The following CNKSR1 variants were observed in gnomAD, a reference collection of about 807,000 sequenced individuals.
The protein encoded by CNKSR1 is connector enhancer of kinase suppressor of Ras 1.
CNKSR1 carries 88 observed loss-of-function variants against 95.6 expected under a neutral mutation model. That is an observed-to-expected ratio of 0.92 (90% CI 0.78 to 1.10). The LOEUF is 1.10. Ranked by LOEUF, CNKSR1 falls within the 50% of genes least tolerant of loss-of-function variation. CNKSR1 has a pLI of 0.00. For missense variants in CNKSR1, 836 were observed against 912.0 expected, an observed-to-expected ratio of 0.92 and a Z score of 1.07; for synonymous variants, 355 against 369.7, an observed-to-expected ratio of 0.96 and a Z score of 0.46.
Position 26,183,244 on chromosome 1 carries a change from A to G in CNKSR1, c.672A>G (p.Gln224=), listed in dbSNP as rs919915683. 6 of 1,614,160 alleles carry G rather than the reference A, an allele frequency of 3.7e-6. No homozygotes were observed. The highest frequency in any genetic ancestry group is 5.1e-6 in the Non-Finnish European group (6 of 1,180,018). ...TTSNCQHFVS[Q]VDTQVPTDSR... is the part of the protein sequence containing the mutation. ...GCAATTGCCAGCACTTTGTGTCCCA[A>G]GTGGACACCCAGGTGAGAGCCCCAC... Residue 224 remains glutamine, a synonymous_variant, in exon 7 of 21, where the codon CAA becomes CAG. Transcript: ENST00000361530.
In CNKSR1 at chr1:26,184,384, T is replaced by C. The variant is rs747067656; in HGVS notation, c.1001-17T>C. 3 of 1,609,404 alleles carry C rather than the reference T, an allele frequency of 1.9e-6. No homozygotes were observed. In the South Asian group the frequency reaches 3.3e-5, roughly 18 times the overall value. On this transcript the variant is annotated splice_polypyrimidine_tract_variant and intron_variant, in intron 11 of 20. Transcript: ENST00000361530. Reference sequence around the variant, plus strand: ...TGGGCTCATAGACTTTCCCTCTCTCTCCTCCCTCCCTGACAGACTCTGCCT... The same window carrying C: ...TGGGCTCATAGACTTTCCCTCTCTCCCCTCCCTCCCTGACAGACTCTGCCT...
Position 26,189,803 on chromosome 1 carries a change from C to G in CNKSR1, c.*255C>G. 1.4e-6 allele frequency: 1 copy of G among 692,934 alleles called. No homozygotes were observed. The highest frequency in any genetic ancestry group is 2.7e-5 in the East Asian group (1 of 36,820). The allele number at this position is 692,934 out of a possible 1,614,324, so 42.9% of individuals were successfully genotyped here. On this transcript the variant is annotated 3_prime_UTR_variant, in exon 21 of 21. Transcript: ENST00000361530. ...GCCCCTCCAGTTCCTTGGCAGTTCT[C>G]CCCCAAACCAGGTCTGTACAGGTGT...
Position 26,183,502 on chromosome 1 carries a change from G to A in CNKSR1, c.753+88G>A, listed in dbSNP as rs2088682455. ...GGGTGGGGAGGCAACCAAGGGTTCT[G>A]ACCAGGGTTGTGGGAGCTGCCTTCC... On this transcript the variant is annotated intron_variant, in intron 8 of 20. Coordinates refer to ENST00000361530, the MANE Select transcript of CNKSR1 (RefSeq NM_006314.3). The A allele has an allele frequency of 3.5e-6, 5 of 1,433,678 alleles. No homozygotes were observed. The Admixed American group carries it at 5.5e-5, about 16-fold the overall frequency. 88.8% of individuals were successfully genotyped at this position (1,433,678 alleles called of 1,614,324 possible).
At position 26,189,653 on chromosome 1, in the gene CNKSR1, AAGT is replaced by A. The variant is rs763950265; in HGVS notation, c.*110_*112del. ...ATCCCTGGATTCTGTTCAGGGTGGG[AAGT>A]AGTACTGCTAGTCATGGTCTCACCC... On this transcript the variant is annotated 3_prime_UTR_variant, in exon 21 of 21. Coordinates refer to ENST00000361530, the MANE Select transcript of CNKSR1 (RefSeq NM_006314.3). 2.5e-6 allele frequency: 2 copies of A among 792,218 alleles called. No homozygotes were observed. Among genetic ancestry groups the A allele is most frequent in the Admixed American group, 3.4e-5 (2 of 59,014 alleles). The allele number at this position is 792,218 out of a possible 1,614,324, so 49.1% of individuals were successfully genotyped here.
intron 6 of CNKSR1, 39 bp from the exon 7 acceptor site, chr1:26,183,158 C>G: frequency 2.5e-6 from 4 of 1,603,358 alleles, no homozygotes; most frequent in Non-Finnish European, 3.4e-6. Context: ...GGCCCTGTTG[C>G]CCCCCAGCCC....
chr1:26,183,257 G>T lies in CNKSR1; in HGVS notation c.684+1G>T, dbSNP rs779284197. On this transcript the variant is annotated splice_donor_variant, in intron 7 of 20. Transcript: ENST00000361530. LOFTEE classifies it high-confidence loss of function. ...CTTTGTGTCCCAAGTGGACACCCAG[G>T]TGAGAGCCCCACACCCTTCTCAGCC... The T allele has an allele frequency of 4.3e-6, 7 of 1,614,168 alleles. No individual in the cohort carries two copies. In the East Asian group the frequency reaches 1.3e-4, roughly 31 times the overall value.
At position 26,180,738 on chromosome 1, in the gene CNKSR1, C is replaced by T. The variant is rs2088634074; in HGVS notation, c.234C>T (p.Asn78=). The T allele has an allele frequency of 6.2e-7, 1 of 1,614,200 alleles. No individual in the cohort carries two copies. Among genetic ancestry groups the T allele is most frequent in the South Asian group, 1.1e-5 (1 of 91,086 alleles). The change falls in exon 3 of 21, where the codon AAC becomes AAT. Residue 78 remains asparagine, a synonymous_variant. Transcript: ENST00000361530. ...AGAGCTCCAGGCTACAGACAGAGAA[C>T]CTGCAAAGCCTGACAGAGGGACTTC... is the stretch of plus-strand genomic sequence containing the variant. ...QALSSRLQTE[N]LQSLTEGLLG...
chr1:26,185,150 C>T lies in CNKSR1; in HGVS notation c.1272C>T (p.Leu424=), dbSNP rs1217171007. The change falls in exon 14 of 21, where the codon CTC becomes CTT. Residue 424 remains leucine, a synonymous_variant. Transcript: ENST00000361530. ...GPRWRRRWFV[L]KGHTLYWYRQ... The stretch of plus-strand genomic sequence containing the variant: ...GCTGGCGCCGCCGCTGGTTTGTGCT[C>T]AAGGGACACACGCTCTACTGGTACC... The T allele has an allele frequency of 1.3e-6, 2 of 1,568,922 alleles. No homozygotes were observed. The highest frequency in any genetic ancestry group is 1.7e-6 in the Non-Finnish European group (2 of 1,157,306).
At chr1:26,187,046 G>A (rs1476269823) in intron 14 of CNKSR1, 122 bp from the exon 15 acceptor site, 4 of 750,924 alleles carry the variant, frequency 5.3e-6, no homozygotes, top group Non-Finnish European at 9.5e-6. Context: ...AGACTTGTTA[G>A]AGAGCCCAGG....
In CNKSR1 at chr1:26,178,681, G is replaced by A. The variant is rs557020139; in HGVS notation, c.52+1082G>A. Among the ~76,000 whole-genome samples, 9 of 152,350 alleles carry A rather than the reference G, an allele frequency of 5.9e-5. No homozygotes were observed. The South Asian group carries it at 1.7e-3, about 28-fold the overall frequency. ...CCAGGCCCACCCCCACCGCTTGCCA[G>A]CTCTGTGACCATAGGTCTTAGTTTT... On this transcript the variant is annotated intron_variant, in intron 1 of 20. Coordinates refer to ENST00000361530, the MANE Select transcript of CNKSR1 (RefSeq NM_006314.3).
In CNKSR1 at chr1:26,189,476, C is replaced by T. The variant is rs749267036; in HGVS notation, c.2070C>T (p.Pro690=). 4 of 1,613,726 alleles carry T rather than the reference C, an allele frequency of 2.5e-6. No homozygotes were observed. The Admixed American group carries it at 6.7e-5, about 27-fold the overall frequency. The change falls in exon 21 of 21, where the codon CCC becomes CCT. Residue 690 remains proline (P), a synonymous_variant. Coordinates refer to ENST00000361530, the MANE Select transcript of CNKSR1 (RefSeq NM_006314.3). ...CAGAACAGTCCCCCCACTCCCTGCC[C>T]TCTGACCCTGAAGAGCACTCCCATC... ...DSTEQSPHSL[P]SDPEEHSHLC...
intron 1 of CNKSR1, among the ~76,000 whole-genome samples, chr1:26,178,221 T>G (rs999678390): frequency 9.2e-5 from 14 of 152,064 alleles, no homozygotes; most frequent in Non-Finnish European, 1.5e-4. Flanking sequence ...CTGTATCTCC[T>G]TCATCTTCCC....
chr1:26,188,122 C>T lies in CNKSR1; in HGVS notation c.1455-112C>T, dbSNP rs1304708267. 3.4e-6 allele frequency: 3 copies of T among 889,082 alleles called. No homozygotes were observed. The African/African-American group carries it at 5.0e-5, about 15-fold the overall frequency. 55.1% of individuals were successfully genotyped at this position (889,082 alleles called of 1,614,324 possible). A position where few individuals can be genotyped will look rare whatever the true frequency, so the allele number is the denominator to read the frequency against. On this transcript the variant is annotated intron_variant, in intron 16 of 20. Transcript: ENST00000361530. The stretch of plus-strand genomic sequence containing the variant: ...TAAAATGGGTGACTAAGAGTTCATC[C>T]CTCTCAGAGTTGCTCTGAGGATCAT...
chr1:26,183,456 C>T lies in CNKSR1; in HGVS notation c.753+42C>T, dbSNP rs752145503. On this transcript the variant is annotated intron_variant, in intron 8 of 20. Coordinates refer to ENST00000361530, the MANE Select transcript of CNKSR1 (RefSeq NM_006314.3). ...ACATGGTAGGAGGTGAAGGGGTCAC[C>T]GAGTGGAACCCAAGTCTGGTGGGTG... 15 of 1,599,542 alleles carry T rather than the reference C, an allele frequency of 9.4e-6. No individual in the cohort carries two copies. The African/African-American group carries it at 1.6e-4, about 17-fold the overall frequency.
rs897102942 is a variant in CNKSR1, at chr1:26,188,762, C to T, written c.1691-10C>T. 3 of 1,609,556 alleles carry T rather than the reference C, an allele frequency of 1.9e-6. No individual in the cohort carries two copies. In the African/African-American group the frequency reaches 4.0e-5, roughly 22 times the overall value. Reference sequence around the variant, plus strand: ...TGGGCACATCCTCATCCTGCTCTTCCCTCCCACAGACAGCAGTGAAGAGGC... The same window carrying T: ...TGGGCACATCCTCATCCTGCTCTTCTCTCCCACAGACAGCAGTGAAGAGGC... On this transcript the variant is annotated splice_polypyrimidine_tract_variant and intron_variant, in intron 19 of 20. Coordinates refer to ENST00000361530, the MANE Select transcript of CNKSR1 (RefSeq NM_006314.3).
chr1:26,179,165 C>G (rs968257657), intron 1 of CNKSR1, among the ~76,000 whole-genome samples: 1 of 152,204 alleles, frequency 6.6e-6, no homozygotes, highest in Admixed American at 6.5e-5. Flanking sequence ...CAGTGCCTAC[C>G]TTGTCCAGGC....
Position 26,188,825 on chromosome 1 carries a change from G to A in CNKSR1, c.1744G>A (p.Val582Met), listed in dbSNP as rs781391862. The change falls in exon 20 of 21, where the codon GTG becomes ATG. Residue 582 changes from valine to methionine, a missense_variant. Transcript: ENST00000361530. ...GGTACGGGGGCTGAGGCAGGGTGGCGTGTCCCTCCTAGGCCAGCCACAGCC... is the reference window on the plus strand; with the variant it reads ...GGTACGGGGGCTGAGGCAGGGTGGCATGTCCCTCCTAGGCCAGCCACAGCC... ...GMVRGLRQGG[V>M]SLLGQPQPLT... The A allele has an allele frequency of 1.7e-5, 27 of 1,612,164 alleles. No homozygotes were observed. The highest frequency in any genetic ancestry group is 1.2e-4 in the South Asian group (11 of 91,054).
chr1:26,187,863 C>T (rs904413692), intron 16 of CNKSR1, among the ~76,000 whole-genome samples: 6 of 151,848 alleles, frequency 4.0e-5, no homozygotes, highest in African/African-American at 1.2e-4. Flanking sequence ...CCTTGTGATC[C>T]GCCTGCCTCG....
chr1:26,182,500 C>G lies in CNKSR1; in HGVS notation c.540C>G (p.Ile180Met). Residue 180 changes from isoleucine (I) to methionine (M), a missense_variant, in exon 6 of 21, where the codon ATC (isoleucine) becomes ATG (methionine). Physicochemically the swap from Ile to Met is conservative, Grantham distance 10 (BLOSUM62 1). Transcript: ENST00000361530. ...VLRICSHVAG[I>M]CHNILVCCPK... is the part of the protein sequence containing the mutation. The stretch of plus-strand genomic sequence containing the variant: ...CCCAGTGCAGCCACGTGGCTGGGAT[C>G]TGCCACAACATCCTGGTCTGCTGCC... 1 of 1,614,032 alleles carries G rather than the reference C, an allele frequency of 6.2e-7. No homozygotes were observed. Among genetic ancestry groups the G allele is most frequent in the South Asian group, 1.1e-5 (1 of 91,078 alleles).
Sources: allele counts gnomAD v4.1 joint callset (sites outside exome capture counted in the v4.1 genomes callset), GRCh38; gene constraint gnomAD v4.1.1; transcripts MANE v1.5; gene names NCBI Gene and HGNC (gene_info 2026-07-23, HGNC 2026-07-21).